LYRM7: variants seen among roughly 807,000 people sequenced by gnomAD.
The protein encoded by LYRM7 is complex III assembly factor LYRM7.
In LYRM7, 9 loss-of-function variants were observed where a neutral mutation model predicts 15.8. The observed-to-expected ratio is 0.57, with a 90% CI of 0.34 to 0.99. The LOEUF (loss-of-function observed/expected upper bound fraction) is 0.99. LYRM7 is among the 50% of genes least tolerant of loss of function. LYRM7 has a pLI of 0.02. For synonymous variants in LYRM7, 39 were observed against 39.4 expected, an observed-to-expected ratio of 0.99 and a Z score of 0.04; for missense variants, 115 against 119.1, an observed-to-expected ratio of 0.97 and a Z score of 0.16.
chr5:131,175,744 A>ATTTTGTTTT (rs568433533), intron 1 of LYRM7, among the ~76,000 whole-genome samples: 67 of 136,700 alleles, frequency 4.9e-4, no homozygotes, highest in African/African-American at 2.3e-3. Flanking sequence ...CATGTTGCCC[A>ATTTTGTTTT]GGCTGGTTTT....
At chr5:131,192,022 A>G (rs910645397) in intron 4 of LYRM7, among the ~76,000 whole-genome samples, 6 of 147,978 alleles carry the variant, frequency 4.1e-5, no homozygotes, top group Non-Finnish European at 8.9e-5. Context: ...ATTAAAAAAA[A>G]TGTGGTGCAT....
chr5:131,181,487 T>A (rs907433171), intron 2 of LYRM7, among the ~76,000 whole-genome samples: 9 of 137,348 alleles, frequency 6.6e-5, no homozygotes, highest in African/African-American at 2.5e-4. Context: ...AACATATATA[T>A]GTATATATAC....
intron 4 of LYRM7, among the ~76,000 whole-genome samples, chr5:131,188,220 G>A (rs1755828424): frequency 1.3e-5 from 2 of 152,046 alleles, no homozygotes; most frequent in African/African-American, 4.8e-5. Flanking sequence ...GTATGCCACT[G>A]TACTCCAGCC....
intron 3 of LYRM7, among the ~76,000 whole-genome samples, chr5:131,186,482 A>G (rs1755796759): frequency 6.6e-6 from 1 of 152,224 alleles, no homozygotes; most frequent in African/African-American, 2.4e-5. Flanking sequence ...TCATTGGGGA[A>G]TACATTTTAA....
chr5:131,173,014 C>T (rs1408147459), intron 1 of LYRM7, among the ~76,000 whole-genome samples: 1 of 152,248 alleles, frequency 6.6e-6, no homozygotes. Flanking sequence ...TTTTCTTACA[C>T]TAGTCCTCTT....
chr5:131,198,469 T>C (rs768018854), intron 4 of LYRM7, among the ~76,000 whole-genome samples: 1 of 152,174 alleles, frequency 6.6e-6, no homozygotes, highest in Non-Finnish European at 1.5e-5. Flanking sequence ...GGTTATTTTG[T>C]AGAAGGTCGT....
chr5:131,174,859 A>C (rs1388964175), intron 1 of LYRM7, among the ~76,000 whole-genome samples: 1 of 152,174 alleles, frequency 6.6e-6, no homozygotes, highest in African/African-American at 2.4e-5. Context: ...AAAAGGACTT[A>C]AAAGCCAAAA....
intron 2 of LYRM7, 77 bp from the exon 3 acceptor site, chr5:131,182,152 T>C: frequency 8.2e-7 from 1 of 1,223,204 alleles, no homozygotes; most frequent in Non-Finnish European, 1.1e-6. Flanking sequence ...CCATTCATAG[T>C]GAATAATGTG....
At chr5:131,187,317 T>TTTTATC (rs1383172468) in intron 4 of LYRM7, among the ~76,000 whole-genome samples, 1 of 152,142 alleles carries the variant, frequency 6.6e-6, no homozygotes, top group Non-Finnish European at 1.5e-5. Context: ...TATTTTTTAT[T>TTTTATC]TTTATCTTCT....
intron 3 of LYRM7, among the ~76,000 whole-genome samples, chr5:131,182,844 AC>A (rs1471016072): frequency 6.6e-6 from 1 of 152,172 alleles, no homozygotes; most frequent in Non-Finnish European, 1.5e-5. Flanking sequence ...AAAAAAATGC[AC>A]AATTTTTCTT....
intron 1 of LYRM7, among the ~76,000 whole-genome samples, chr5:131,175,525 TTTG>T (rs1755588924): frequency 6.9e-6 from 1 of 145,248 alleles, no homozygotes; most frequent in South Asian, 2.1e-4. Flanking sequence ...GGTGTGTTTG[TTTG>T]TTTTGTTTTG....
chr5:131,188,267 T>C (rs527432009), intron 4 of LYRM7, among the ~76,000 whole-genome samples: 2 of 151,922 alleles, frequency 1.3e-5, no homozygotes, highest in South Asian at 2.1e-4. Context: ...AAAAAATATA[T>C]ATATTGAAAG....
At chr5:131,180,037 G>T in intron 1 of LYRM7, 58 bp from the exon 2 acceptor site, 1 of 1,147,292 alleles carries the variant, frequency 8.7e-7, no homozygotes, top group South Asian at 1.3e-5. Flanking sequence ...TTCCCAAAGT[G>T]CTGGGATTAC....
At chr5:131,177,883 T>A (rs147472396) in intron 1 of LYRM7, among the ~76,000 whole-genome samples, 2 of 152,306 alleles carry the variant, frequency 1.3e-5, no homozygotes, top group Admixed American at 6.5e-5. Flanking sequence ...TTAATTTTCT[T>A]ATCTTTCCTC....
chr5:131,191,648 C>T (rs1755887622), intron 4 of LYRM7, among the ~76,000 whole-genome samples: 1 of 151,820 alleles, frequency 6.6e-6, no homozygotes, highest in South Asian at 2.1e-4. Context: ...TGAAAAAATA[C>T]GCAACATCAC....
In LYRM7 at chr5:131,204,998, G is replaced by T. The variant is rs1378217912; in HGVS notation, c.*5397G>T. 2 of 152,046 alleles carry T rather than the reference G, an allele frequency of 1.3e-5. No homozygotes were observed. The highest frequency in any genetic ancestry group is 4.8e-5 in the African/African-American group (2 of 41,396). 9.4% of individuals were successfully genotyped at this position (152,046 alleles called of 1,614,324 possible). On this transcript the variant is annotated 3_prime_UTR_variant, in exon 5 of 5. Coordinates refer to ENST00000379380, the MANE Select transcript of LYRM7 (RefSeq NM_181705.4). ...TGTTAAAAGACAATAAGCTACTAGT[G>T]ATTTTTAATATAAAATTAACTATAA... is the stretch of plus-strand genomic sequence containing the variant.
chr5:131,181,338 T>A (rs1305557827), intron 2 of LYRM7, among the ~76,000 whole-genome samples: 1 of 61,510 alleles, frequency 1.6e-5, no homozygotes, highest in Admixed American at 3.1e-4. Flanking sequence ...CACATATATA[T>A]AACATATATG....
At chr5:131,184,672 C>T (rs1580696248) in intron 3 of LYRM7, among the ~76,000 whole-genome samples, 1 of 151,130 alleles carries the variant, frequency 6.6e-6, no homozygotes, top group East Asian at 1.9e-4. Context: ...ATGCAGACCA[C>T]CTCCTCCTCA....
At chr5:131,185,226 A>T (rs1361788804) in intron 3 of LYRM7, among the ~76,000 whole-genome samples, 1 of 152,118 alleles carries the variant, frequency 6.6e-6, no homozygotes, top group Non-Finnish European at 1.5e-5. Flanking sequence ...TCTTCATCTC[A>T]TTCAAGAAAA....
Sources: allele counts gnomAD v4.1 joint callset (sites outside exome capture counted in the v4.1 genomes callset), GRCh38; gene constraint gnomAD v4.1.1; transcripts MANE v1.5; gene names NCBI Gene and HGNC (gene_info 2026-07-23, HGNC 2026-07-21).